Variants in RARB observed in about 807,000 individuals in gnomAD.
RARB encodes HBV-activated protein.
A neutral mutation model predicts 51.9 loss-of-function variants in RARB; 17 were observed. The ratio of observed to expected loss-of-function variants is 0.33; its 90% CI spans 0.22 to 0.49. The LOEUF is 0.49. Ranked by LOEUF, RARB falls within the 20% of genes least tolerant of loss-of-function variation. RARB has a pLI of 0.99. For missense variants in RARB, 369 were observed against 550.8 expected (o/e 0.67, Z 3.30); for synonymous variants, 215 against 195.4 (o/e 1.10, Z -0.84).
At chr3:25,027,101 C>G (rs961137746) in intron 2 of RARB, among the ~76,000 whole-genome samples, 1 of 152,104 alleles carries the variant, frequency 6.6e-6, no homozygotes, top group Non-Finnish European at 1.5e-5. Flanking sequence ...GTTATGTAGC[C>G]CTTAAGTAGA....
At chr3:25,448,763 G>A (rs533779835) in intron 1 of RARB, among the ~76,000 whole-genome samples, 3 of 152,204 alleles carry the variant, frequency 2.0e-5, no homozygotes, top group South Asian at 2.1e-4. Flanking sequence ...CACCGTGCCC[G>A]GCCGAGAATC....
At chr3:25,046,147 A>G (rs1443939435) in intron 2 of RARB, among the ~76,000 whole-genome samples, 1 of 152,192 alleles carries the variant, frequency 6.6e-6, no homozygotes, top group African/African-American at 2.4e-5. Flanking sequence ...GGGAAAGAAA[A>G]TGAGGTCAAG....
intron 3 of RARB, among the ~76,000 whole-genome samples, chr3:25,125,024 G>A (rs1262029902): frequency 6.6e-6 from 1 of 152,140 alleles, no homozygotes; most frequent in Non-Finnish European, 1.5e-5. Context: ...TCTTGATTGA[G>A]ATCATCTAGT....
intron 3 of RARB, among the ~76,000 whole-genome samples, chr3:25,130,087 T>C (rs142228013): frequency 6.6e-6 from 1 of 152,208 alleles, no homozygotes; most frequent in East Asian, 1.9e-4. Context: ...AAAAATGTTC[T>C]TTTCATTTAA....
intron 2 of RARB, among the ~76,000 whole-genome samples, chr3:25,043,100 A>G (rs972456907): frequency 1.3e-5 from 2 of 152,204 alleles, no homozygotes; most frequent in Non-Finnish European, 2.9e-5. Flanking sequence ...AGGCTCTTGT[A>G]GTAAGCTTAA....
chr3:25,375,762 A>G (rs1706442390), intron 5 of RARB, among the ~76,000 whole-genome samples: 1 of 152,202 alleles, frequency 6.6e-6, no homozygotes, highest in Non-Finnish European at 1.5e-5. Flanking sequence ...GTATGCTGGG[A>G]TGCATGTACC....
chr3:24,974,761 T>C (rs1039452086), intron 2 of RARB, among the ~76,000 whole-genome samples: 1 of 152,194 alleles, frequency 6.6e-6, no homozygotes, highest in Non-Finnish European at 1.5e-5. Context: ...CTTACATCTT[T>C]CTTAGCCACT....
chr3:25,492,313 C>T (rs1355872128), intron 2 of RARB, among the ~76,000 whole-genome samples: 1 of 152,196 alleles, frequency 6.6e-6, no homozygotes, highest in Non-Finnish European at 1.5e-5. Flanking sequence ...GACATTTTAT[C>T]CAACTGAGTA....
At chr3:25,079,404 T>C (rs1380567087) in intron 3 of RARB, among the ~76,000 whole-genome samples, 2 of 152,208 alleles carry the variant, frequency 1.3e-5, no homozygotes, top group Non-Finnish European at 2.9e-5. Flanking sequence ...TAATACGTTG[T>C]TGAATAGAAG....
At chr3:25,058,753 T>G (rs546637694) in intron 2 of RARB, among the ~76,000 whole-genome samples, 43 of 151,818 alleles carry the variant, frequency 2.8e-4, no homozygotes, top group Non-Finnish European at 5.2e-4. Flanking sequence ...GATCAAAAAT[T>G]TGTTATTGGA....
At chr3:24,845,624 CTATCAGTCAT>C (rs1344415914) in intron 1 of RARB, among the ~76,000 whole-genome samples, 2 of 152,186 alleles carry the variant, frequency 1.3e-5, no homozygotes, top group Non-Finnish European at 2.9e-5. Context: ...TGGCAATCAT[CTATCAGTCAT>C]TGCTACACTC....
At chr3:25,309,333 G>A (rs1451305159) in intron 5 of RARB, among the ~76,000 whole-genome samples, 1 of 150,272 alleles carries the variant, frequency 6.7e-6, no homozygotes, top group Non-Finnish European at 1.5e-5. Flanking sequence ...CAGAGACGGG[G>A]TTTCACCGTG....
intron 5 of RARB, among the ~76,000 whole-genome samples, chr3:25,314,365 T>G (rs1274380074): frequency 6.6e-6 from 1 of 152,190 alleles, no homozygotes. Context: ...TTTAGAAACA[T>G]TCCCATTCAT....
At chr3:25,129,716 A>G (rs1401759974) in intron 3 of RARB, among the ~76,000 whole-genome samples, 1 of 152,084 alleles carries the variant, frequency 6.6e-6, no homozygotes, top group Non-Finnish European at 1.5e-5. Context: ...AATTTTAGAA[A>G]AATTCATGAA....
intron 5 of RARB, among the ~76,000 whole-genome samples, chr3:25,271,981 G>A (rs192314046): frequency 1.5e-4 from 23 of 152,038 alleles, no homozygotes; most frequent in African/African-American, 4.1e-4. Context: ...GTGATACAGC[G>A]GTCAGTAATC....
At chr3:25,179,209 C>G (rs1375690798) in intron 5 of RARB, among the ~76,000 whole-genome samples, 1 of 152,204 alleles carries the variant, frequency 6.6e-6, no homozygotes, top group African/African-American at 2.4e-5. Flanking sequence ...CTAAGAAGAG[C>G]TTTGTTACCT....
At chr3:25,150,379 T>A (rs1700264924) in intron 4 of RARB, among the ~76,000 whole-genome samples, 1 of 152,074 alleles carries the variant, frequency 6.6e-6, no homozygotes, top group African/African-American at 2.4e-5. Flanking sequence ...AGAGCCCCAA[T>A]CCTGGCTGGC....
At chr3:25,271,112 T>C (rs977782152) in intron 5 of RARB, among the ~76,000 whole-genome samples, 4 of 152,346 alleles carry the variant, frequency 2.6e-5, no homozygotes, top group Admixed American at 6.5e-5. Context: ...CCTCTAATTT[T>C]AGCATCAAAA....
At chr3:25,070,076 C>T (rs1306763198) in intron 3 of RARB, among the ~76,000 whole-genome samples, 4 of 152,210 alleles carry the variant, frequency 2.6e-5, no homozygotes, top group Non-Finnish European at 5.9e-5. Context: ...CTTGGCTCTT[C>T]CTAGCTTCTG....
Sources: gnomAD v4.1 joint callset for allele counts (sites outside exome capture counted in the v4.1 genomes callset) on GRCh38, gnomAD v4.1.1 for gene constraint, MANE v1.5 for transcripts, NCBI Gene and HGNC (gene_info 2026-07-23, HGNC 2026-07-21) for gene names.